Variants in CSMD2 observed in about 807,000 individuals in gnomAD.
CSMD2 encodes the protein CUB and sushi domain-containing protein 2.
A neutral mutation model predicts 398.5 loss-of-function variants in CSMD2; 130 were observed. The ratio of observed to expected loss-of-function variants is 0.33; its 90% CI spans 0.28 to 0.38. The LOEUF is 0.38. Among genes scored for constraint, CSMD2 ranks in the 10% least tolerant of loss-of-function variants. The pLI, the probability that CSMD2 is intolerant of heterozygous loss-of-function variation, is 1.00. For missense variants in CSMD2, 3,829 were observed against 4,764.9 expected, an observed-to-expected ratio of 0.80 and a Z score of 5.78; for synonymous variants, 1,828 against 1,908.5, an observed-to-expected ratio of 0.96 and a Z score of 1.10.
At chr1:34,130,358 G>GA (rs1329760654) in intron 1 of CSMD2, among the ~76,000 whole-genome samples, 5 of 33,580 alleles carry the variant, frequency 1.5e-4, no homozygotes, top group Non-Finnish European at 2.4e-4. Flanking sequence ...ATTCCAGGCA[G>GA]AAAAAAACAG....
At chr1:34,097,075 T>C (rs1203094112) in intron 1 of CSMD2, among the ~76,000 whole-genome samples, 13 of 141,264 alleles carry the variant, frequency 9.2e-5, no homozygotes, top group Non-Finnish European at 1.5e-4. Context: ...TATAGATCAA[T>C]GGAACAGAAC....
At chr1:34,137,561 C>T (rs1470002805) in intron 1 of CSMD2, among the ~76,000 whole-genome samples, 1 of 152,176 alleles carries the variant, frequency 6.6e-6, no homozygotes, top group Non-Finnish European at 1.5e-5. Context: ...CCCTCCTTCA[C>T]CCTTCTGCCT....
At chr1:34,002,205 A>G (rs1275968549) in intron 3 of CSMD2, among the ~76,000 whole-genome samples, 1 of 152,252 alleles carries the variant, frequency 6.6e-6, no homozygotes, top group Non-Finnish European at 1.5e-5. Flanking sequence ...GAAAACCTTA[A>G]CAATGCTCTA....
chr1:34,087,395 C>G (rs1047365915), intron 2 of CSMD2, among the ~76,000 whole-genome samples: 1 of 151,800 alleles, frequency 6.6e-6, no homozygotes, highest in African/African-American at 2.4e-5. Context: ...ACTGCATGTT[C>G]TCACTCATAA....
At chr1:33,528,626 C>G (rs1033573063) in intron 64 of CSMD2, among the ~76,000 whole-genome samples, 1 of 152,198 alleles carries the variant, frequency 6.6e-6, no homozygotes, top group Non-Finnish European at 1.5e-5. Flanking sequence ...TCTTCATTTC[C>G]TCCTGCTCTT....
At chr1:33,777,339 T>A (rs912139298) in intron 12 of CSMD2, among the ~76,000 whole-genome samples, 5 of 152,108 alleles carry the variant, frequency 3.3e-5, no homozygotes, top group African/African-American at 1.2e-4. Context: ...GTTTGGGAGC[T>A]CCTTCCAGGA....
chr1:33,700,646 G>C lies in CSMD2; in HGVS notation c.3604C>G (p.Arg1202Gly). 1 of 1,614,156 alleles carries C rather than the reference G, an allele frequency of 6.2e-7. No homozygotes were observed. Among genetic ancestry groups the C allele is most frequent in the South Asian group, 1.1e-5 (1 of 91,086 alleles). The change falls in exon 23 of 71, where the codon CGT (arginine) becomes GGT (glycine). Residue 1202 changes from arginine (R) to glycine (G), a missense_variant. This residue lies in a region of CSMD2 where 2,001 missense variants were observed against 2,567.1 expected (regional missense o/e 0.78). Transcript: ENST00000373381. ...KVYDGNNNSA[R>G]LLGVFSHSEM... ...GAATGGCTAAAAACTCCCAGCAAAC[G>C]GGCGGAGTTGTTGTTGCCATCATAA... is the stretch of plus-strand genomic sequence containing the variant.
intron 56 of CSMD2, among the ~76,000 whole-genome samples, chr1:33,547,753 CAACAGGCAG>C (rs905719275): frequency 9.2e-5 from 14 of 152,248 alleles, no homozygotes; most frequent in African/African-American, 3.4e-4. Context: ...GTAATTCACA[CAACAGGCAG>C]AACTGGGTCT....
chr1:33,842,626 A>AGCTCTGCCCTG (rs1490939242), intron 6 of CSMD2, among the ~76,000 whole-genome samples: 11 of 152,216 alleles, frequency 7.2e-5, no homozygotes, highest in Admixed American at 3.3e-4. Context: ...TAAACTGCTC[A>AGCTCTGCCCTG]GCTCTGCCCT....
At chr1:33,597,716 G>A (rs1639933022) in intron 44 of CSMD2, among the ~76,000 whole-genome samples, 2 of 152,208 alleles carry the variant, frequency 1.3e-5, no homozygotes, top group Admixed American at 1.3e-4. Context: ...AACTAAATAT[G>A]TGGATATTTA....
chr1:33,993,746 G>A, intron 3 of CSMD2, among the ~76,000 whole-genome samples: 1 of 151,920 alleles, frequency 6.6e-6, no homozygotes, highest in East Asian at 1.9e-4. Context: ...ACACTTCCTT[G>A]GAAGTCCCCC....
chr1:33,669,499 C>G (rs961681276), intron 25 of CSMD2, among the ~76,000 whole-genome samples: 1 of 152,156 alleles, frequency 6.6e-6, no homozygotes. Context: ...CACACCAAGT[C>G]CCCCCTGGGC....
intron 5 of CSMD2, among the ~76,000 whole-genome samples, chr1:33,910,336 A>G (rs1348238749): frequency 2.0e-5 from 3 of 152,048 alleles, no homozygotes; most frequent in Non-Finnish European, 4.4e-5. Flanking sequence ...CAATGCCCCA[A>G]ATGCACCAGG....
At chr1:34,033,086 TAA>T (rs1180063864) in intron 2 of CSMD2, among the ~76,000 whole-genome samples, 1 of 152,230 alleles carries the variant, frequency 6.6e-6, no homozygotes, top group Non-Finnish European at 1.5e-5. Flanking sequence ...ATTCACATAG[TAA>T]GGGAAATAGA....
chr1:33,872,023 C>T (rs1640506671), intron 5 of CSMD2, among the ~76,000 whole-genome samples: 1 of 152,180 alleles, frequency 6.6e-6, no homozygotes, highest in Non-Finnish European at 1.5e-5. Context: ...TTTAAGTCCC[C>T]ACCTTTCAAC....
chr1:34,092,744 G>T (rs1446464779), intron 1 of CSMD2, among the ~76,000 whole-genome samples: 2 of 152,226 alleles, frequency 1.3e-5, no homozygotes, highest in Admixed American at 6.5e-5. Flanking sequence ...CCCGCACCTG[G>T]CTCGGAGGGT....
At chr1:34,036,343 G>C (rs1367570783) in intron 2 of CSMD2, among the ~76,000 whole-genome samples, 2 of 152,148 alleles carry the variant, frequency 1.3e-5, no homozygotes, top group African/African-American at 2.4e-5. Flanking sequence ...AAAAGGAATG[G>C]ACTATGAATA....
chr1:33,821,999 T>C (rs1658208245), intron 7 of CSMD2, among the ~76,000 whole-genome samples: 1 of 150,646 alleles, frequency 6.6e-6, no homozygotes, highest in Non-Finnish European at 1.5e-5. Flanking sequence ...CAAGGAAGAG[T>C]GGATGGTGAG....
At chr1:33,928,424 CCTCA>C (rs1644200809) in intron 4 of CSMD2, among the ~76,000 whole-genome samples, 1 of 152,186 alleles carries the variant, frequency 6.6e-6, no homozygotes, top group South Asian at 2.1e-4. Flanking sequence ...GATAGATACC[CCTCA>C]CTGAGTCATA....
Sources: allele counts gnomAD v4.1 joint callset (sites outside exome capture counted in the v4.1 genomes callset), GRCh38; gene constraint gnomAD v4.1.1; regional missense constraint gnomAD v4.1.1; transcripts MANE v1.5; gene names NCBI Gene and HGNC (gene_info 2026-07-23, HGNC 2026-07-21).